Variants in SLC24A4 observed in about 807,000 individuals in gnomAD.
The protein encoded by SLC24A4 is solute carrier family 24 member 4, also known as sodium/potassium/calcium exchanger 4.
SLC24A4 carries 53 observed loss-of-function variants against 79.0 expected under a neutral mutation model. The ratio of observed to expected loss-of-function variants is 0.67; its 90% CI spans 0.54 to 0.84. The LOEUF (loss-of-function observed/expected upper bound fraction) is 0.84, where lower values mean the gene tolerates loss of function less well. Ranked by LOEUF, SLC24A4 falls within the 40% of genes least tolerant of loss-of-function variation. SLC24A4 has a pLI of 0.00. For missense variants in SLC24A4, 731 were observed against 822.0 expected, an observed-to-expected ratio of 0.89 and a Z score of 1.35; for synonymous variants, 323 against 323.8, an observed-to-expected ratio of 1.00 and a Z score of 0.03.
intron 8 of SLC24A4, 89 bp from the exon 9 acceptor site, chr14:92,447,282 C>A: frequency 8.3e-7 from 1 of 1,204,642 alleles, no homozygotes; most frequent in Non-Finnish European, 1.2e-6. Context: ...AAAGACATCC[C>A]GCCCTTCCCC....
intron 12 of SLC24A4, 124 bp downstream of exon 12, chr14:92,456,732 A>T: frequency 1.0e-6 from 1 of 961,578 alleles, no homozygotes; most frequent in South Asian, 1.6e-5. Context: ...CAAAGGGTCG[A>T]TATTAGGTCA....
At chr14:92,450,727 G>A (rs1893088703) in intron 10 of SLC24A4, 1 of 152,352 alleles carries the variant, frequency 6.6e-6, no homozygotes, top group Non-Finnish European at 1.5e-5. Flanking sequence ...GTGCTTCTGG[G>A]TCCTCTGGGC....
At chr14:92,343,242 T>A (rs908993987) in intron 2 of SLC24A4, among the ~76,000 whole-genome samples, 2 of 152,236 alleles carry the variant, frequency 1.3e-5, no homozygotes, top group African/African-American at 4.8e-5. Flanking sequence ...TTGCTGCAGA[T>A]CCTCTGTTCA....
At chr14:92,345,078 C>A (rs1228882679) in intron 2 of SLC24A4, among the ~76,000 whole-genome samples, 1 of 152,140 alleles carries the variant, frequency 6.6e-6, no homozygotes, top group Non-Finnish European at 1.5e-5. Context: ...AGGGTGGGCC[C>A]AATTAGGGTG....
At chr14:92,428,059 A>C (rs1165711359) in intron 2 of SLC24A4, among the ~76,000 whole-genome samples, 1 of 152,148 alleles carries the variant, frequency 6.6e-6, no homozygotes, top group Admixed American at 6.5e-5. Context: ...GTGAGAAATA[A>C]ATTTCTGTTG....
At chr14:92,382,238 AAATTATCATTATCATTTGAT>A (rs1204018675) in intron 2 of SLC24A4, among the ~76,000 whole-genome samples, 1 of 152,126 alleles carries the variant, frequency 6.6e-6, no homozygotes, top group Non-Finnish European at 1.5e-5. Context: ...ATAATGTTGG[AAATTATCATTATCATTTGAT>A]AATTATCAAT....
chr14:92,454,317 C>G (rs1031073846), intron 11 of SLC24A4, among the ~76,000 whole-genome samples: 4 of 152,162 alleles, frequency 2.6e-5, no homozygotes, highest in Admixed American at 2.6e-4. Context: ...TAGAGTAGAA[C>G]TAATTGGAGA....
At chr14:92,447,979 A>G (rs1892898300) in intron 9 of SLC24A4, among the ~76,000 whole-genome samples, 1 of 152,306 alleles carries the variant, frequency 6.6e-6, no homozygotes, top group Non-Finnish European at 1.5e-5. Context: ...GAGGAATACT[A>G]TGCAGCCAGA....
At chr14:92,354,678 G>T (rs1013797871) in intron 2 of SLC24A4, among the ~76,000 whole-genome samples, 1 of 152,198 alleles carries the variant, frequency 6.6e-6, no homozygotes, top group Non-Finnish European at 1.5e-5. Flanking sequence ...TGATTCAGTA[G>T]ATCTGGGGTG....
At chr14:92,453,421 A>G (rs1893262772) in intron 10 of SLC24A4, 1 of 153,196 alleles carries the variant, frequency 6.5e-6, no homozygotes, top group African/African-American at 2.4e-5. Context: ...GCCAGTGCCC[A>G]CTGCTCTGCA....
intron 2 of SLC24A4, among the ~76,000 whole-genome samples, chr14:92,404,342 AACTGTCCAG>A (rs1250941218): frequency 6.6e-6 from 1 of 152,162 alleles, no homozygotes; most frequent in Non-Finnish European, 1.5e-5. Flanking sequence ...TTTTTGCTTA[AACTGTCCAG>A]ACCTTTTATA....
At chr14:92,372,942 T>C (rs1445374418) in intron 2 of SLC24A4, among the ~76,000 whole-genome samples, 1 of 145,376 alleles carries the variant, frequency 6.9e-6, no homozygotes, top group African/African-American at 2.6e-5. Flanking sequence ...TTTCTTTTTC[T>C]CTCTCTCTCT....
intron 2 of SLC24A4, among the ~76,000 whole-genome samples, chr14:92,342,215 T>C (rs1368503406): frequency 6.6e-6 from 1 of 151,776 alleles, no homozygotes; most frequent in East Asian, 1.9e-4. Flanking sequence ...CCAGTGTGTA[T>C]TGTAGCTCAG....
At chr14:92,410,943 C>T (rs1455499431) in intron 2 of SLC24A4, among the ~76,000 whole-genome samples, 1 of 152,226 alleles carries the variant, frequency 6.6e-6, no homozygotes, top group Non-Finnish European at 1.5e-5. Flanking sequence ...CAAGTTTCTA[C>T]ACCTGCCTGA....
At chr14:92,472,337 C>T (rs12436852) in intron 12 of SLC24A4, among the ~76,000 whole-genome samples, 5 of 151,896 alleles carry the variant, frequency 3.3e-5, no homozygotes, top group Middle Eastern at 3.2e-3. Flanking sequence ...GTGAGATTTT[C>T]GTGCACGCAT....
chr14:92,431,774 T>C (rs893401801), intron 2 of SLC24A4, among the ~76,000 whole-genome samples: 2 of 152,180 alleles, frequency 1.3e-5, no homozygotes, highest in Admixed American at 1.3e-4. Flanking sequence ...AAATTGCCAC[T>C]GAGGAGACAG....
intron 2 of SLC24A4, among the ~76,000 whole-genome samples, chr14:92,351,189 C>G (rs933256861): frequency 7.9e-5 from 12 of 151,924 alleles, no homozygotes; most frequent in African/African-American, 2.9e-4. Context: ...GTCACTTGGG[C>G]TTAGCTGAAA....
intron 10 of SLC24A4, 30 bp from the exon 11 acceptor site, chr14:92,453,870 C>T (rs1481428445): frequency 6.3e-7 from 1 of 1,580,082 alleles, no homozygotes; most frequent in Non-Finnish European, 8.6e-7. Context: ...TCAGAGAGAT[C>T]AGCACTAATC....
At chr14:92,346,615 T>C (rs904629052) in intron 2 of SLC24A4, among the ~76,000 whole-genome samples, 1 of 152,242 alleles carries the variant, frequency 6.6e-6, no homozygotes, top group African/African-American at 2.4e-5. Context: ...CAGTAATAGC[T>C]GCTTGCAGTG....
Sources: allele counts gnomAD v4.1 joint callset (sites outside exome capture counted in the v4.1 genomes callset), GRCh38; gene constraint gnomAD v4.1.1; transcripts MANE v1.5; gene names NCBI Gene and HGNC (gene_info 2026-07-23, HGNC 2026-07-21).